Variants in NEGR1 observed in about 807,000 individuals in gnomAD.
The protein encoded by NEGR1 is neuronal growth regulator 1, also known as IgLON family member 4.
NEGR1 carries 10 observed loss-of-function variants against 40.9 expected under a neutral mutation model. That is an observed-to-expected ratio of 0.24 (90% CI 0.15 to 0.42). The LOEUF is 0.42. Ranked by LOEUF, NEGR1 falls within the 10% of genes least tolerant of loss-of-function variation. The pLI, the probability that NEGR1 is intolerant of heterozygous loss-of-function variation, is 1.00. For synonymous variants in NEGR1, 185 were observed against 166.8 expected, an observed-to-expected ratio of 1.11 and a Z score of -0.84; for missense variants, 352 against 438.9, an observed-to-expected ratio of 0.80 and a Z score of 1.77.
At chr1:71,560,029 A>C (rs763094930) in intron 6 of NEGR1, among the ~76,000 whole-genome samples, 1 of 151,260 alleles carries the variant, frequency 6.6e-6, no homozygotes, top group African/African-American at 2.4e-5. Context: ...CTTGAAGTCT[A>C]GTGCACATGA....
rs563114728 is a variant in NEGR1 at position 72,212,506 on chromosome 1, T to C, written c.176+69813A>G. On this transcript the variant is annotated intron_variant, in intron 1 of 6. Transcript: ENST00000357731. Reference sequence around the variant, plus strand: ...CAACAATCAAAGCCAAGATTACCTATAAAAACACAAATGTACAATTTCTGA... The same window carrying C: ...CAACAATCAAAGCCAAGATTACCTACAAAAACACAAATGTACAATTTCTGA... 3.3e-5 allele frequency among the ~76,000 whole-genome samples: 5 copies of C among 152,082 alleles called. No homozygotes were observed. In the South Asian group the frequency reaches 8.3e-4, roughly 25 times the overall value.
intron 2 of NEGR1, among the ~76,000 whole-genome samples, chr1:71,813,222 G>A (rs1424689178): frequency 6.6e-6 from 1 of 152,078 alleles, no homozygotes; most frequent in Non-Finnish European, 1.5e-5. Flanking sequence ...TGTCAGGTTT[G>A]TTGAAGATCA....
At chr1:72,136,422 A>T (rs1192039276) in intron 1 of NEGR1, among the ~76,000 whole-genome samples, 1 of 151,928 alleles carries the variant, frequency 6.6e-6, no homozygotes, top group Non-Finnish European at 1.5e-5. Context: ...GAGAAGAAAT[A>T]ATTTAAAATA....
chr1:72,040,785 G>GTTGTTGT (rs1239502424), intron 1 of NEGR1, among the ~76,000 whole-genome samples: 1 of 151,632 alleles, frequency 6.6e-6, no homozygotes, highest in Non-Finnish European at 1.5e-5. Flanking sequence ...AACAACAATT[G>GTTGTTGT]AAGTTGTAAA....
chr1:71,962,858 C>A (rs1191705732), intron 1 of NEGR1, among the ~76,000 whole-genome samples: 1 of 151,118 alleles, frequency 6.6e-6, no homozygotes, highest in East Asian at 1.9e-4. Context: ...TTGTTCTCAA[C>A]CCTGAATGGA....
At chr1:71,978,977 G>A (rs1041674891) in intron 1 of NEGR1, among the ~76,000 whole-genome samples, 67 of 151,882 alleles carry the variant, frequency 4.4e-4, no homozygotes, top group African/African-American at 1.5e-3. Flanking sequence ...ATGCTAGACT[G>A]GATAAAGAAA....
rs529235701 is a variant in NEGR1, at chr1:71,543,693, T to C, written c.940+49124A>G. ...ACAAACTGGTATCAAACTCAACACA[T>C]CTAGGTTTTGCTTGGTCTAGATCTT... On this transcript the variant is annotated intron_variant, in intron 6 of 6. Coordinates refer to ENST00000357731, the MANE Select transcript of NEGR1 (RefSeq NM_173808.3). Among the ~76,000 whole-genome samples the C allele has an allele frequency of 2.0e-5, 3 of 151,822 alleles. 1 individual carries two copies. In the East Asian group the frequency reaches 5.9e-4, roughly 30 times the overall value.
At chr1:72,224,025 G>C (rs1654096769) in intron 1 of NEGR1, among the ~76,000 whole-genome samples, 1 of 152,032 alleles carries the variant, frequency 6.6e-6, no homozygotes, top group Admixed American at 6.6e-5. Flanking sequence ...GTGGCCTTCA[G>C]TTTAAATTCA....
At position 72,253,217 on chromosome 1, in the gene NEGR1, T is replaced by C. The variant is rs534883142; in HGVS notation, c.176+29102A>G. 2.0e-5 allele frequency among the ~76,000 whole-genome samples: 3 copies of C among 152,318 alleles called. No individual in the cohort carries two copies. The East Asian group carries it at 5.8e-4, about 29-fold the overall frequency. ...CCTCATTTGTCATCTCTTCCTATTG[T>C]CAACAAAGAATCTCTAATAGTTCTA... On this transcript the variant is annotated intron_variant, in intron 1 of 6. Transcript: ENST00000357731.
In NEGR1 at chr1:71,404,193, A is replaced by G. The variant is rs1015966236; in HGVS notation, c.*3253T>C. 3 of 152,200 alleles carry G rather than the reference A, an allele frequency of 2.0e-5. No homozygotes were observed. The highest frequency in any genetic ancestry group is 6.6e-5 in the Admixed American group (1 of 15,100). 9.4% of individuals were successfully genotyped at this position (152,200 alleles called of 1,614,324 possible). ...TTTTTTTTCCCTGAATTACCTGGGT[A>G]ATTTTCTCAGTTCTCCAGTCTACTT... On this transcript the variant is annotated 3_prime_UTR_variant, in exon 7 of 7. Transcript: ENST00000357731.
intron 2 of NEGR1, among the ~76,000 whole-genome samples, chr1:71,918,566 A>G (rs1003728609): frequency 6.6e-6 from 1 of 152,122 alleles, no homozygotes; most frequent in Admixed American, 6.6e-5. Context: ...TAAAGTAACT[A>G]TTCCAGGAGT....
intron 1 of NEGR1, among the ~76,000 whole-genome samples, chr1:72,121,107 T>A (rs1256662886): frequency 6.6e-6 from 1 of 151,946 alleles, no homozygotes; most frequent in African/African-American, 2.4e-5. Flanking sequence ...GTACTTTTTG[T>A]ATAAAATACT....
chr1:72,193,417 G>T (rs1315608066), intron 1 of NEGR1, among the ~76,000 whole-genome samples: 1 of 151,590 alleles, frequency 6.6e-6, no homozygotes, highest in Non-Finnish European at 1.5e-5. Flanking sequence ...GATTCAAAAT[G>T]GAAAATTTAG....
At chr1:71,838,096 T>C (rs532790613) in intron 2 of NEGR1, among the ~76,000 whole-genome samples, 1 of 152,304 alleles carries the variant, frequency 6.6e-6, no homozygotes, top group Non-Finnish European at 1.5e-5. Flanking sequence ...CTAGGGTCTA[T>C]TGTTTTATTT....
intron 6 of NEGR1, among the ~76,000 whole-genome samples, chr1:71,521,884 G>T (rs1647159804): frequency 6.6e-6 from 1 of 151,906 alleles, no homozygotes; most frequent in African/African-American, 2.4e-5. Context: ...TGCTGGCTGT[G>T]AAAAGCATAG....
chr1:71,427,875 A>G (rs1050722986), intron 6 of NEGR1, among the ~76,000 whole-genome samples: 2 of 152,326 alleles, frequency 1.3e-5, no homozygotes, highest in East Asian at 1.9e-4. Flanking sequence ...CTGAACTTAC[A>G]TATGCTATGA....
At chr1:71,713,162 G>A (rs1654162661) in intron 3 of NEGR1, among the ~76,000 whole-genome samples, 5 of 152,156 alleles carry the variant, frequency 3.3e-5, no homozygotes. Context: ...AGTTTTCACT[G>A]AGAAACATTA....
chr1:71,925,647 T>G (rs543385117), intron 2 of NEGR1, among the ~76,000 whole-genome samples: 2 of 152,318 alleles, frequency 1.3e-5, no homozygotes, highest in African/African-American at 4.8e-5. Flanking sequence ...CAAGGAGTAT[T>G]GTCAGTTGGC....
intron 1 of NEGR1, among the ~76,000 whole-genome samples, chr1:72,140,732 T>G (rs1025742597): frequency 6.6e-6 from 1 of 152,048 alleles, no homozygotes; most frequent in Non-Finnish European, 1.5e-5. Flanking sequence ...TGTTAAATGT[T>G]AGTGAAGAAT....
Sources: gnomAD v4.1 joint callset for allele counts (sites outside exome capture counted in the v4.1 genomes callset) on GRCh38, gnomAD v4.1.1 for gene constraint, MANE v1.5 for transcripts, NCBI Gene and HGNC (gene_info 2026-07-23, HGNC 2026-07-21) for gene names.